Variants in CCDC7 observed in about 807,000 individuals in gnomAD.
The protein encoded by CCDC7 is coiled-coil domain containing 7, also known as coiled-coil domain-containing protein 7.
Under a neutral mutation model 196.9 loss-of-function variants are expected in CCDC7, and 183 were observed. That is an observed-to-expected ratio of 0.93 (90% CI 0.82 to 1.05). The LOEUF (loss-of-function observed/expected upper bound fraction) is 1.05. Ranked by LOEUF, CCDC7 falls within the 50% of genes least tolerant of loss-of-function variation. The pLI, the probability that CCDC7 is intolerant of heterozygous loss-of-function variation, is 0.00. For missense variants in CCDC7, 1,540 were observed against 1,482.2 expected (o/e 1.04, Z -0.64); for synonymous variants, 525 against 484.6 (o/e 1.08, Z -1.10).
intron 28 of CCDC7, among the ~76,000 whole-genome samples, chr10:32,752,445 G>A (rs1448512148): frequency 1.3e-5 from 2 of 152,084 alleles, no homozygotes; most frequent in African/African-American, 2.4e-5. Flanking sequence ...ACAAATCAAT[G>A]TAAATCTAAA....
intron 20 of CCDC7, among the ~76,000 whole-genome samples, chr10:32,658,353 C>A (rs898744323): frequency 6.6e-6 from 1 of 152,110 alleles, no homozygotes; most frequent in Non-Finnish European, 1.5e-5. Context: ...AGAAAACTTA[C>A]AATTATGGTG....
intron 9 of CCDC7, among the ~76,000 whole-genome samples, chr10:32,497,965 G>A (rs186902340): frequency 5.9e-5 from 9 of 152,122 alleles, no homozygotes; most frequent in East Asian, 5.8e-4. Context: ...TTTCTGTCTC[G>A]TTGATTTGTC....
chr10:32,678,524 G>T (rs1379634940), intron 21 of CCDC7, among the ~76,000 whole-genome samples: 1 of 152,112 alleles, frequency 6.6e-6, no homozygotes, highest in African/African-American at 2.4e-5. Flanking sequence ...GTCAGCTATT[G>T]GATCCATACT....
chr10:32,545,928 A>ATT (rs2052378937), intron 13 of CCDC7, among the ~76,000 whole-genome samples: 1 of 132,332 alleles, frequency 7.6e-6, no homozygotes, highest in African/African-American at 2.6e-5. Flanking sequence ...AAAAAAAAAA[A>ATT]GATGTAGCCT....
intron 19 of CCDC7, 144 bp downstream of exon 20, chr10:32,634,508 T>C (rs771438162): frequency 1.5e-5 from 5 of 324,036 alleles, no homozygotes; most frequent in Non-Finnish European, 2.2e-5. Flanking sequence ...GCGATTCTCC[T>C]GCCCCAGACT....
Position 32,697,610 on chromosome 10 carries a change from C to T in CCDC7, c.2458+2618C>T, listed in dbSNP as rs370997197. On this transcript the variant is annotated intron_variant, in intron 24 of 41. Coordinates refer to ENST00000639629, the Ensembl canonical transcript of CCDC7. ...CCGAGATCAAACTGAGAGGTGGCAG[C>T]GAGGATGGGGGAGGGGCATCTGCCA... 1.6e-3 allele frequency among the ~76,000 whole-genome samples: 239 copies of T among 152,226 alleles called. 2 individuals are homozygous for T. The highest frequency in any genetic ancestry group is 5.0e-3 in the African/African-American group (206 of 41,532).
At chr10:32,666,401 C>T (rs1044757873) in intron 21 of CCDC7, among the ~76,000 whole-genome samples, 1 of 151,690 alleles carries the variant, frequency 6.6e-6, no homozygotes, top group African/African-American at 2.4e-5. Context: ...TTATACTTTA[C>T]GTTCTAGGGT....
chr10:32,811,406 G>GA, intron 30 of CCDC7, among the ~76,000 whole-genome samples: 1 of 152,174 alleles, frequency 6.6e-6, no homozygotes, highest in South Asian at 2.1e-4. Context: ...AGAGGAAATT[G>GA]ATAGATTTCT....
At chr10:32,541,360 C>T (rs2051392428) in intron 11 of CCDC7, among the ~76,000 whole-genome samples, 1 of 148,884 alleles carries the variant, frequency 6.7e-6, no homozygotes, top group Non-Finnish European at 1.5e-5. Context: ...GGAGGTGTTG[C>T]CCATATGGGT....
intron 28 of CCDC7, among the ~76,000 whole-genome samples, chr10:32,760,361 A>G (rs1427725951): frequency 1.3e-5 from 2 of 152,066 alleles, no homozygotes; most frequent in Non-Finnish European, 2.9e-5. Context: ...TCCAACAATG[A>G]TAGACTGGAT....
chr10:32,482,397 T>G (rs1429847870), intron 8 of CCDC7, among the ~76,000 whole-genome samples: 1 of 151,980 alleles, frequency 6.6e-6, no homozygotes, highest in Non-Finnish European at 1.5e-5. Context: ...TAACTTTCTT[T>G]AAGTTTACAG....
At chr10:32,582,106 C>CTATATAGATATA (rs2058778226) in intron 16 of CCDC7, among the ~76,000 whole-genome samples, 1 of 103,750 alleles carries the variant, frequency 9.6e-6, no homozygotes, top group Non-Finnish European at 2.2e-5. Context: ...ACTGTCAGCA[C>CTATATAGATATA]TATATATATA....
exon 19 of CCDC7, chr10:32,634,264 A>C: frequency 8.3e-7 from 1 of 1,203,316 alleles, no homozygotes; most frequent in Non-Finnish European, 1.0e-6. Flanking sequence ...CTGACAGTGA[A>C]GTTCCAGATG....
At chr10:32,674,647 T>G (rs2074616385) in intron 21 of CCDC7, among the ~76,000 whole-genome samples, 1 of 152,094 alleles carries the variant, frequency 6.6e-6, no homozygotes, top group Non-Finnish European at 1.5e-5. Context: ...ATTTTCTGTT[T>G]GGATGATCTA....
At chr10:32,743,752 G>T (rs1226941493) in intron 28 of CCDC7, among the ~76,000 whole-genome samples, 1 of 151,992 alleles carries the variant, frequency 6.6e-6, no homozygotes, top group Admixed American at 6.6e-5. Flanking sequence ...ATGTCCATCA[G>T]TGATAGACTG....
intron 23 of CCDC7, among the ~76,000 whole-genome samples, chr10:32,691,262 C>T (rs1261579935): frequency 6.6e-6 from 1 of 152,120 alleles, no homozygotes; most frequent in Non-Finnish European, 1.5e-5. Flanking sequence ...TCATCGCATT[C>T]TGGATTTAGT....
At position 32,848,391 on chromosome 10, in the gene CCDC7, A is replaced by G. The variant is rs185772922; in HGVS notation, c.3773-205A>G. Among the ~76,000 whole-genome samples, 33 of 152,272 alleles carry G rather than the reference A, an allele frequency of 2.2e-4. No individual in the cohort carries two copies. The East Asian group carries it at 3.9e-3, about 18-fold the overall frequency. ...GATAAAGGTTGAAATTAAGGAAGAT[A>G]CTGTCACAGAATGCAGAACAAAGAC... is the stretch of plus-strand genomic sequence containing the variant. On this transcript the variant is annotated intron_variant, in intron 38 of 41. Transcript: ENST00000639629.
chr10:32,847,126 T>C (rs574903384), intron 37 of CCDC7, among the ~76,000 whole-genome samples: 2 of 152,292 alleles, frequency 1.3e-5, no homozygotes, highest in South Asian at 4.1e-4. Context: ...TGTTCAAGGC[T>C]CTGCCCCTTG....
intron 21 of CCDC7, among the ~76,000 whole-genome samples, chr10:32,674,055 C>T (rs545955786): frequency 1.4e-4 from 21 of 151,396 alleles, no homozygotes; most frequent in East Asian, 1.4e-3. Flanking sequence ...TTTCAAAAAC[C>T]GAACTCACAT....
Sources: gnomAD v4.1 joint callset for allele counts (sites outside exome capture counted in the v4.1 genomes callset) on GRCh38, gnomAD v4.1.1 for gene constraint, MANE v1.5 for transcripts, NCBI Gene and HGNC (gene_info 2026-07-23, HGNC 2026-07-21) for gene names.